The following SDR9C7 variants were observed in gnomAD, a reference collection of about 807,000 sequenced individuals.
SDR9C7 encodes short-chain dehydrogenase/reductase family 9C member 7.
Under a neutral mutation model 23.6 loss-of-function variants are expected in SDR9C7, and 11 were observed. The observed-to-expected ratio is 0.47, with a 90% confidence interval of 0.29 to 0.77. The LOEUF is 0.77. Ranked by LOEUF, SDR9C7 falls within the 30% of genes least tolerant of loss-of-function variation. The probability of loss-of-function intolerance (pLI) is 0.09; values close to 1 mark genes in which losing one functional copy is unlikely to be tolerated. For missense variants in SDR9C7, 387 were observed against 407.1 expected, an observed-to-expected ratio of 0.95 and a Z score of 0.42; for synonymous variants, 167 against 157.3, an observed-to-expected ratio of 1.06 and a Z score of -0.46.
At chr12:56,932,166 G>T (rs539247918) in intron 1 of SDR9C7, among the ~76,000 whole-genome samples, 1 of 151,482 alleles carries the variant, frequency 6.6e-6, no homozygotes, top group Admixed American at 6.6e-5. Flanking sequence ...TGGAATGGAG[G>T]TTGCTAATTA....
intron 1 of SDR9C7, among the ~76,000 whole-genome samples, chr12:56,932,587 G>A (rs1018105433): frequency 8.5e-5 from 13 of 152,352 alleles, no homozygotes; most frequent in Non-Finnish European, 7.3e-5. Context: ...CATGCTAAGT[G>A]AGGTATTAAG....
chr12:56,926,928 G>A (rs886797805), intron 3 of SDR9C7, among the ~76,000 whole-genome samples: 2 of 152,208 alleles, frequency 1.3e-5, no homozygotes, highest in African/African-American at 4.8e-5. Flanking sequence ...TGTTTTGTAT[G>A]CATGTCCATT....
chr12:56,926,498 C>A (rs1955734940), intron 3 of SDR9C7, among the ~76,000 whole-genome samples: 1 of 152,174 alleles, frequency 6.6e-6, no homozygotes, highest in African/African-American at 2.4e-5. Context: ...TGATCTGACT[C>A]CTAATCTCTC....
Position 56,924,060 on chromosome 12 carries a change from G to C in SDR9C7, c.725-10C>G, listed in dbSNP as rs763245403. ...TTTAACTTGTCAGTATCTGTTTGAGGGCAGAGAGGGGAAAAAGGCTCTGTT... is the reference window on the plus strand; with the variant it reads ...TTTAACTTGTCAGTATCTGTTTGAGCGCAGAGAGGGGAAAAAGGCTCTGTT... On this transcript the variant is annotated splice_polypyrimidine_tract_variant and intron_variant, in intron 3 of 3. Coordinates refer to ENST00000293502, the MANE Select transcript of SDR9C7 (RefSeq NM_148897.3). 1.9e-6 allele frequency: 3 copies of C among 1,573,868 alleles called. No individual in the cohort carries two copies. The highest frequency in any genetic ancestry group is 2.6e-6 in the Non-Finnish European group (3 of 1,146,690).
chr12:56,928,352 A>G (rs550267793), intron 3 of SDR9C7, among the ~76,000 whole-genome samples: 2 of 152,130 alleles, frequency 1.3e-5, no homozygotes, highest in South Asian at 2.1e-4. Flanking sequence ...TTCCTCCTCA[A>G]AGTCAACTCA....
In SDR9C7 at chr12:56,923,780, C is replaced by A; in HGVS notation, c.*53G>T. On this transcript the variant is annotated 3_prime_UTR_variant, in exon 4 of 4. Coordinates refer to ENST00000293502, the MANE Select transcript of SDR9C7 (RefSeq NM_148897.3). ...ATACCACCTTTTGTGACCCCACGGT[C>A]CTTCCTTCCTCCCCCACTTCTAGGC... is the stretch of plus-strand genomic sequence containing the variant. 1.4e-6 allele frequency: 2 copies of A among 1,397,074 alleles called. No homozygotes were observed. The highest frequency in any genetic ancestry group is 2.7e-5 in the South Asian group (2 of 72,838). The allele number at this position is 1,397,074 out of a possible 1,614,324, so 86.5% of individuals were successfully genotyped here.
In SDR9C7 at chr12:56,934,327, C is replaced by A. The variant is rs905185668; in HGVS notation, c.-66G>T. On this transcript the variant is annotated 5_prime_UTR_variant, in exon 1 of 4. The change creates a new upstream start codon in the 5' untranslated region. Transcript: ENST00000293502. ...GGAGACAGCAGGGAAGAAGCTGGTC[C>A]TCTGAGCCCTAGCAGGCAGTCTGCA... 7.1e-7 allele frequency: 1 copy of A among 1,415,386 alleles called. No homozygotes were observed. The highest frequency in any genetic ancestry group is 9.7e-7 in the Non-Finnish European group (1 of 1,030,164). The allele number at this position is 1,415,386 out of a possible 1,614,324, so 87.7% of individuals were successfully genotyped here.
At chr12:56,924,657 A>G (rs1164532145) in intron 3 of SDR9C7, among the ~76,000 whole-genome samples, 2 of 152,220 alleles carry the variant, frequency 1.3e-5, no homozygotes, top group Non-Finnish European at 2.9e-5. Flanking sequence ...ATAGTGGCTC[A>G]GGCCTGTAAT....
At chr12:56,924,792 G>A (rs907129393) in intron 3 of SDR9C7, among the ~76,000 whole-genome samples, 5 of 152,018 alleles carry the variant, frequency 3.3e-5, no homozygotes, top group Admixed American at 1.3e-4. Context: ...GTGGTGGCGC[G>A]TGCCTATAAT....
chr12:56,929,388 A>G lies in SDR9C7; in HGVS notation c.724+2T>C. On this transcript the variant is annotated splice_donor_variant, in intron 3 of 3. Transcript: ENST00000293502. LOFTEE classifies it high-confidence loss of function. ...GACCCCTCTCCTGCCCCAGGAACTT[A>G]CAGATGCGGAAATAATCCTCTCCGT... 1 of 1,595,502 alleles carries G rather than the reference A, an allele frequency of 6.3e-7. No individual in the cohort carries two copies. The highest frequency in any genetic ancestry group is 2.3e-5 in the East Asian group (1 of 44,246).
chr12:56,933,928 AC>A (rs763645559), intron 1 of SDR9C7, 32 bp downstream of exon 1: 4 of 1,578,188 alleles, frequency 2.5e-6, no homozygotes, highest in Non-Finnish European at 1.7e-6. Context: ...AGAAGGAGAA[AC>A]CAAGAAAGCC....
At position 56,929,382 on chromosome 12, in the gene SDR9C7, G is replaced by A. The variant is rs773394195; in HGVS notation, c.724+8C>T. Reference sequence around the variant, plus strand: ...CTCAGAGACCCCTCTCCTGCCCCAGGAACTTACAGATGCGGAAATAATCCT... The same window carrying A: ...CTCAGAGACCCCTCTCCTGCCCCAGAAACTTACAGATGCGGAAATAATCCT... On this transcript the variant is annotated splice_region_variant and intron_variant, in intron 3 of 3. Transcript: ENST00000293502. 1.9e-6 allele frequency: 3 copies of A among 1,594,596 alleles called. No individual in the cohort carries two copies. Among genetic ancestry groups the A allele is most frequent in the East Asian group, 4.5e-5 (2 of 44,240 alleles).
rs149142058 is a variant in SDR9C7, at chr12:56,933,347, C to T, written c.301+614G>A. On this transcript the variant is annotated intron_variant, in intron 1 of 3. Transcript: ENST00000293502. The stretch of plus-strand genomic sequence containing the variant: ...TAGGACTGCTGAAACATCAGAGAGG[C>T]ACATCCTTTTTTTTTCTTTTTTTTC... Among the ~76,000 whole-genome samples, 475 of 152,230 alleles carry T rather than the reference C, an allele frequency of 3.1e-3. 1 individual carries two copies. Among genetic ancestry groups the T allele is most frequent in the African/African-American group, 0.011 (454 of 41,540 alleles).
At chr12:56,933,893 G>C in intron 1 of SDR9C7, 68 bp downstream of exon 1, 1 of 1,529,088 alleles carries the variant, frequency 6.5e-7, no homozygotes, top group Non-Finnish European at 8.8e-7. Context: ...GATACTGTCA[G>C]ATGCTTCGGG....
At chr12:56,933,878 T>C in intron 1 of SDR9C7, 83 bp downstream of exon 1, 1 of 1,476,338 alleles carries the variant, frequency 6.8e-7, no homozygotes, top group Admixed American at 2.0e-5. Flanking sequence ...GACATCAGGG[T>C]CTCTGATACT....
intron 3 of SDR9C7, among the ~76,000 whole-genome samples, chr12:56,924,913 T>C (rs1955723438): frequency 6.6e-6 from 1 of 152,020 alleles, no homozygotes; most frequent in Admixed American, 6.6e-5. Flanking sequence ...AGAGTGAGAC[T>C]CCATCTCAAA....
intron 2 of SDR9C7, among the ~76,000 whole-genome samples, chr12:56,929,996 C>A (rs1243530679): frequency 6.6e-6 from 1 of 152,222 alleles, no homozygotes; most frequent in African/African-American, 2.4e-5. Context: ...TTTCACTCAC[C>A]CTGGTGCCGC....
rs1281027999 is a variant in SDR9C7 at position 56,933,871 on chromosome 12, A to T, written c.301+90T>A. On this transcript the variant is annotated intron_variant, in intron 1 of 3. Coordinates refer to ENST00000293502, the MANE Select transcript of SDR9C7 (RefSeq NM_148897.3). ...ATCACCCCTCCCACCCAATCTGGAC[A>T]TCAGGGTCTCTGATACTGTCAGATG... 7 of 1,458,964 alleles carry T rather than the reference A, an allele frequency of 4.8e-6. No homozygotes were observed. In the East Asian group the frequency reaches 9.1e-5, roughly 19 times the overall value. 90.4% of individuals were successfully genotyped at this position (1,458,964 alleles called of 1,614,324 possible).
intron 1 of SDR9C7, 108 bp from the exon 2 acceptor site, chr12:56,930,592 G>A: frequency 8.1e-7 from 1 of 1,239,564 alleles, no homozygotes; most frequent in South Asian, 1.4e-5. Context: ...AGGTGCACAA[G>A]ACATAACTCG....
Sources: gnomAD v4.1 joint callset for allele counts (sites outside exome capture counted in the v4.1 genomes callset) on GRCh38, gnomAD v4.1.1 for gene constraint, MANE v1.5 for transcripts, NCBI Gene and HGNC (gene_info 2026-07-23, HGNC 2026-07-21) for gene names.